The following PARP1 variants were observed in gnomAD, a reference collection of about 807,000 sequenced individuals.
PARP1 encodes poly(ADP-ribose) polymerase 1, also known as poly [ADP-ribose] polymerase 1.
Under a neutral mutation model 118.7 loss-of-function variants are expected in PARP1, and 44 were observed. The observed-to-expected ratio is 0.37, with a 90% CI of 0.29 to 0.48. PARP1 has a LOEUF of 0.48. PARP1 is among the 20% of genes least tolerant of loss of function. The pLI is 0.99. For synonymous variants in PARP1, 492 were observed against 483.2 expected (o/e 1.02, Z -0.24); for missense variants, 1,100 against 1,272.4 (o/e 0.86, Z 2.06).
At chr1:226,377,433 C>A (rs1558236573) in intron 12 of PARP1, 130 bp from the exon 13 acceptor site, 2 of 724,832 alleles carry the variant, frequency 2.8e-6, no homozygotes, top group Admixed American at 4.0e-5. Context: ...GTGATTAACA[C>A]AGAACAAACA....
At chr1:226,396,457 G>A (rs959270603) in intron 2 of PARP1, among the ~76,000 whole-genome samples, 5 of 151,120 alleles carry the variant, frequency 3.3e-5, no homozygotes, top group Admixed American at 6.6e-5. Flanking sequence ...CTTAGAGTAG[G>A]ATCTCAATTC....
chr1:226,393,662 C>T (rs545085904), intron 2 of PARP1, among the ~76,000 whole-genome samples: 63 of 152,234 alleles, frequency 4.1e-4, no homozygotes, highest in African/African-American at 1.4e-3. Context: ...CAAAATTAAT[C>T]TATGGGGATA....
chr1:226,392,711 T>G, intron 2 of PARP1: 1 of 548,364 alleles, frequency 1.8e-6, no homozygotes, highest in Non-Finnish European at 3.2e-6. Flanking sequence ...TTTACCAAAG[T>G]GTTGAATTAA....
chr1:226,369,198 G>A (rs1007976276), intron 15 of PARP1, among the ~76,000 whole-genome samples: 1 of 152,238 alleles, frequency 6.6e-6, no homozygotes, highest in African/African-American at 2.4e-5. Flanking sequence ...GAGGTTCACT[G>A]CTCAGAGCCA....
chr1:226,371,885 G>A (rs540087085), intron 14 of PARP1, among the ~76,000 whole-genome samples: 15 of 152,334 alleles, frequency 9.8e-5, no homozygotes, highest in African/African-American at 3.6e-4. Flanking sequence ...AATAAGAGGT[G>A]GGCTCCATCC....
In PARP1 at chr1:226,380,918, T is replaced by C. The variant is rs1350139967; in HGVS notation, c.1300+150A>G. 3 of 870,976 alleles carry C rather than the reference T, an allele frequency of 3.4e-6. No homozygotes were observed. In the African/African-American group the frequency reaches 4.9e-5, roughly 14 times the overall value. The allele number at this position is 870,976 out of a possible 1,614,324, so 54.0% of individuals were successfully genotyped here. On this transcript the variant is annotated intron_variant, in intron 9 of 22. Transcript: ENST00000366794. The stretch of plus-strand genomic sequence containing the variant: ...ACAAAGCAGCAACACTGAGAGCAAA[T>C]ACTGGTTTCCCTTCATAAAGAACCA...
At chr1:226,370,712 A>C in intron 14 of PARP1, 195 bp from the exon 15 acceptor site, 1 of 642,498 alleles carries the variant, frequency 1.6e-6, no homozygotes, top group Non-Finnish European at 2.8e-6. Flanking sequence ...GTGTGTCTGA[A>C]GATTCTTGCT....
chr1:226,396,802 A>G (rs1259765393), intron 2 of PARP1, among the ~76,000 whole-genome samples: 3 of 151,970 alleles, frequency 2.0e-5, no homozygotes, highest in African/African-American at 7.2e-5. Flanking sequence ...GTGTGGTGGC[A>G]CACACCTGTA....
chr1:226,360,842 C>T lies in PARP1; in HGVS notation c.*618G>A, dbSNP rs1433521219. ...TTAATACTACATATTTCAAGAGCTC[C>T]CATGTTCAGTATTCCTGGAGAAGGA... is the stretch of plus-strand genomic sequence containing the variant. On this transcript the variant is annotated 3_prime_UTR_variant, in exon 23 of 23. Transcript: ENST00000366794. 1 of 228,294 alleles carries T rather than the reference C, an allele frequency of 4.4e-6. No individual in the cohort carries two copies. Among genetic ancestry groups the T allele is most frequent in the Non-Finnish European group, 8.7e-6 (1 of 115,176 alleles). 14.1% of individuals were successfully genotyped at this position (228,294 alleles called of 1,614,324 possible).
At chr1:226,375,172 T>A (rs1213110305) in intron 13 of PARP1, among the ~76,000 whole-genome samples, 7 of 152,222 alleles carry the variant, frequency 4.6e-5, no homozygotes, top group Non-Finnish European at 8.8e-5. Flanking sequence ...GTTGTTAGTG[T>A]TCATGGCTGC....
Position 226,367,287 on chromosome 1 carries a change from C to A in PARP1, c.2406+193G>T, listed in dbSNP as rs575727203. On this transcript the variant is annotated intron_variant, in intron 17 of 22. Transcript: ENST00000366794. ...TTGCAAACAAGGTGCATTATCTACA[C>A]GTGAAACGCCCAAAGGTTCTCAAAG... 14 of 666,078 alleles carry A rather than the reference C, an allele frequency of 2.1e-5. 1 individual carries two copies. The Admixed American group carries it at 2.9e-4, about 14-fold the overall frequency. The allele number at this position is 666,078 out of a possible 1,614,324, so 41.3% of individuals were successfully genotyped here.
intron 5 of PARP1, among the ~76,000 whole-genome samples, chr1:226,387,716 T>G (rs1447530645): frequency 1.3e-5 from 2 of 152,138 alleles, no homozygotes; most frequent in Non-Finnish European, 2.9e-5. Flanking sequence ...CAGACACAGA[T>G]GTGCCACAGT....
intron 9 of PARP1, among the ~76,000 whole-genome samples, chr1:226,380,387 C>T (rs1342459464): frequency 1.3e-5 from 2 of 152,106 alleles, no homozygotes; most frequent in Non-Finnish European, 2.9e-5. Flanking sequence ...TTCTACAGCA[C>T]GATGTTAACA....
At chr1:226,374,855 T>C (rs1400767672) in intron 13 of PARP1, among the ~76,000 whole-genome samples, 2 of 152,212 alleles carry the variant, frequency 1.3e-5, no homozygotes, top group Non-Finnish European at 2.9e-5. Flanking sequence ...ACCAGTCCCA[T>C]GCGCTGCCAG....
intron 2 of PARP1, 113 bp downstream of exon 2, chr1:226,402,101 C>A: frequency 3.8e-6 from 6 of 1,598,218 alleles, no homozygotes; most frequent in Non-Finnish European, 5.1e-6. Flanking sequence ...GCTTGATCTG[C>A]ACATGTGGGA....
At chr1:226,373,978 A>G (rs1664443388) in intron 14 of PARP1, among the ~76,000 whole-genome samples, 1 of 152,158 alleles carries the variant, frequency 6.6e-6, no homozygotes, top group Middle Eastern at 3.2e-3. Flanking sequence ...AAAGGGGACT[A>G]GGGACCAGGA....
Position 226,402,333 on chromosome 1 carries a change from CAGG to C in PARP1, c.164_166del (p.Ser55del), listed in dbSNP as rs768580219. 9 of 1,613,854 alleles carry C rather than the reference CAGG, an allele frequency of 5.6e-6. No individual in the cohort carries two copies. Among genetic ancestry groups the C allele is most frequent in the African/African-American group, 2.7e-5 (2 of 74,950 alleles). ...GATGGAGTGGCCCACCTTCCAGAAG[CAGG>C]AGAAGTGGTACCAGTGTGGGACTTT... On this transcript the variant is annotated inframe_deletion, in exon 2 of 23. Coordinates refer to ENST00000366794, the MANE Select transcript of PARP1 (RefSeq NM_001618.4).
chr1:226,394,004 A>G (rs923276789), intron 2 of PARP1, among the ~76,000 whole-genome samples: 1 of 152,242 alleles, frequency 6.6e-6, no homozygotes, highest in Non-Finnish European at 1.5e-5. Context: ...AAATATTTGT[A>G]AAAACATGTT....
Position 226,407,906 on chromosome 1 carries a change from G to A in PARP1, c.24C>T (p.Leu8=), listed in dbSNP as rs776234983. The stretch of plus-strand genomic sequence containing the variant: ...CGCTCTTGGCGTACTCGACTCGATA[G>A]AGCTTATCCGAAGACTCCGCCATCC... MAESSDK[L]YRVEYAKSGR... is the part of the protein sequence containing the mutation. The change falls in exon 1 of 23, where the codon CTC becomes CTT. Residue 8 remains leucine (L), a synonymous_variant. Transcript: ENST00000366794. 6.2e-7 allele frequency: 1 copy of A among 1,612,424 alleles called. No homozygotes were observed. Among genetic ancestry groups the A allele is most frequent in the Non-Finnish European group, 8.5e-7 (1 of 1,179,124 alleles).
Sources: allele counts gnomAD v4.1 joint callset (sites outside exome capture counted in the v4.1 genomes callset), GRCh38; gene constraint gnomAD v4.1.1; transcripts MANE v1.5; gene names NCBI Gene and HGNC (gene_info 2026-07-23, HGNC 2026-07-21).